The following KCNH1 variants were observed in gnomAD, a reference collection of about 807,000 sequenced individuals.
The protein encoded by KCNH1 is potassium voltage-gated channel subfamily H member 1, also known as voltage-gated delayed rectifier potassium channel KCNH1.
In KCNH1, 27 loss-of-function variants were observed where a neutral mutation model predicts 69.2. That is an observed-to-expected ratio of 0.39 (90% CI 0.29 to 0.54). The LOEUF is 0.54. Ranked by LOEUF, KCNH1 falls within the 20% of genes least tolerant of loss-of-function variation. The pLI, the probability that KCNH1 is intolerant of heterozygous loss-of-function variation, is 0.68. For missense variants in KCNH1, 798 were observed against 1,261.6 expected (o/e 0.63, Z 5.57); for synonymous variants, 456 against 487.7 (o/e 0.93, Z 0.86).
intron 10 of KCNH1, among the ~76,000 whole-genome samples, chr1:210,694,360 C>CT (rs201043751): frequency 0.047 from 7,215 of 152,130 alleles, 255 homozygotes; most frequent in Non-Finnish European, 0.073. Flanking sequence ...ACTCCCCCTG[C>CT]TTTTTTTTCC....
intron 7 of KCNH1, among the ~76,000 whole-genome samples, chr1:210,874,488 T>C (rs756362734): frequency 2.0e-5 from 3 of 152,112 alleles, no homozygotes; most frequent in South Asian, 2.1e-4. Context: ...CCAGAATAAC[T>C]CTCTCAAAGG....
chr1:211,133,836 C>T lies in KCNH1; in HGVS notation c.79+31G>A, dbSNP rs201159133. The stretch of plus-strand genomic sequence containing the variant: ...GCAATAAAGGCACGGATAAAACGCC[C>T]GGGTAATCGAAATCCGAATGCACCT... On this transcript the variant is annotated intron_variant, in intron 1 of 10. Transcript: ENST00000271751. The surrounding 1 kb of genome is among the most constrained non-coding windows in gnomAD (Gnocchi z 5.4). 1 of 1,592,524 alleles carries T rather than the reference C, an allele frequency of 6.3e-7. No individual in the cohort carries two copies. The highest frequency in any genetic ancestry group is 2.3e-5 in the East Asian group (1 of 43,200).
intron 7 of KCNH1, among the ~76,000 whole-genome samples, chr1:210,906,239 G>A (rs1687099133): frequency 6.6e-6 from 1 of 152,202 alleles, no homozygotes; most frequent in Non-Finnish European, 1.5e-5. Flanking sequence ...AGGTCTCTAG[G>A]GCCCAGATGA....
intron 10 of KCNH1, among the ~76,000 whole-genome samples, chr1:210,696,276 GC>G (rs1428990900): frequency 1.6e-4 from 24 of 152,162 alleles, no homozygotes; most frequent in Admixed American, 1.5e-3. Flanking sequence ...CCCTCCTCCA[GC>G]CTCCTAGGTT....
At chr1:210,781,462 G>A (rs920772438) in intron 9 of KCNH1, among the ~76,000 whole-genome samples, 8 of 152,114 alleles carry the variant, frequency 5.3e-5, no homozygotes, top group Non-Finnish European at 8.8e-5. Context: ...CACTTCATCA[G>A]GATGATGAAA....
chr1:211,119,089 G>A (rs763992114), intron 1 of KCNH1, among the ~76,000 whole-genome samples: 4 of 152,184 alleles, frequency 2.6e-5, no homozygotes, highest in Non-Finnish European at 2.9e-5. Context: ...GGCCGGGCGC[G>A]GTGGCTCATG....
chr1:210,988,873 T>A (rs942873815), intron 6 of KCNH1, among the ~76,000 whole-genome samples: 1 of 152,242 alleles, frequency 6.6e-6, no homozygotes, highest in Admixed American at 6.5e-5. Context: ...CCTGACAATG[T>A]TCAATAAAGC....
chr1:211,077,446 C>T (rs1445806479), intron 5 of KCNH1, among the ~76,000 whole-genome samples: 2 of 152,080 alleles, frequency 1.3e-5, no homozygotes, highest in East Asian at 3.8e-4. Context: ...AGAGTGGGGG[C>T]CAATATTCAA....
chr1:211,107,115 A>C, intron 2 of KCNH1, 139 bp downstream of exon 2: 2 of 871,184 alleles, frequency 2.3e-6, no homozygotes, highest in Non-Finnish European at 3.7e-6. Flanking sequence ...TACATGAACT[A>C]GAGATGATAT....
At chr1:210,965,957 G>A (rs377510977) in intron 6 of KCNH1, among the ~76,000 whole-genome samples, 1 of 152,118 alleles carries the variant, frequency 6.6e-6, no homozygotes, top group South Asian at 2.1e-4. Flanking sequence ...CAAAGCTGGA[G>A]GTATCACGCT....
At chr1:210,735,938 A>T in intron 10 of KCNH1, among the ~76,000 whole-genome samples, 1 of 151,846 alleles carries the variant, frequency 6.6e-6, no homozygotes. Context: ...TCAAGATTTT[A>T]TATTTTTTCA....
chr1:211,073,617 A>G (rs1464010846), intron 5 of KCNH1, among the ~76,000 whole-genome samples: 1 of 152,204 alleles, frequency 6.6e-6, no homozygotes, highest in Non-Finnish European at 1.5e-5. Context: ...TCTAAATAAT[A>G]CATAGGCCAA....
At chr1:210,929,394 A>G (rs1687637988) in intron 6 of KCNH1, among the ~76,000 whole-genome samples, 1 of 152,216 alleles carries the variant, frequency 6.6e-6, no homozygotes, top group South Asian at 2.1e-4. Context: ...AATAAATGTG[A>G]TACACCACAT....
At chr1:210,858,986 G>T in intron 7 of KCNH1, 1 of 471,238 alleles carries the variant, frequency 2.1e-6, no homozygotes, top group Non-Finnish European at 3.8e-6. Flanking sequence ...AAATCCCACT[G>T]GTTTCTTTTC....
intron 10 of KCNH1, among the ~76,000 whole-genome samples, chr1:210,736,683 C>T (rs1249066787): frequency 6.6e-6 from 1 of 152,068 alleles, no homozygotes; most frequent in African/African-American, 2.4e-5. Flanking sequence ...TACATAAATG[C>T]ACCCCAAATA....
chr1:210,755,435 C>A (rs1184536306), intron 10 of KCNH1, among the ~76,000 whole-genome samples: 1 of 152,200 alleles, frequency 6.6e-6, no homozygotes, highest in Non-Finnish European at 1.5e-5. Context: ...GATGAAAAAT[C>A]TGGCAGCTCT....
chr1:210,903,667 C>G (rs1348550966), intron 7 of KCNH1, among the ~76,000 whole-genome samples: 1 of 152,182 alleles, frequency 6.6e-6, no homozygotes, highest in East Asian at 1.9e-4. Context: ...ATCCTGTTCA[C>G]TTTCCCATTG....
intron 5 of KCNH1, among the ~76,000 whole-genome samples, chr1:211,076,304 T>C (rs1007471771): frequency 2.0e-5 from 3 of 152,224 alleles, no homozygotes; most frequent in Admixed American, 6.5e-5. Flanking sequence ...GATCTCCATG[T>C]AGCCTAACTT....
intron 5 of KCNH1, among the ~76,000 whole-genome samples, chr1:211,021,456 G>C (rs113891932): frequency 6.8e-4 from 103 of 152,158 alleles, no homozygotes; most frequent in African/African-American, 2.2e-3. Context: ...ACATAGCACT[G>C]AAAGTCCCAG....
Sources: gnomAD v4.1 joint callset for allele counts (sites outside exome capture counted in the v4.1 genomes callset) on GRCh38, gnomAD v4.1.1 for gene constraint, Gnocchi (gnomAD v3.1) non-coding constraint, MANE v1.5 for transcripts, NCBI Gene and HGNC (gene_info 2026-07-23, HGNC 2026-07-21) for gene names.